CFAP96: variants seen among roughly 807,000 people sequenced by gnomAD.
CFAP96 encodes the protein cilia-and flagella-associated protein 96.
chr4:185,436,447 C>T, the CFAP96 span: 1 of 982,700 alleles, frequency 1.0e-6, no homozygotes, highest in East Asian at 2.8e-5. Context: ...CACGGTGGCT[C>T]ACATCTGTAA....
chr4:185,440,417 A>G, the CFAP96 span: 1 of 625,720 alleles, frequency 1.6e-6, no homozygotes. Context: ...ATGTTTTAAA[A>G]AAGTACACCC....
the CFAP96 span, among the ~76,000 whole-genome samples, chr4:185,438,528 A>G: frequency 2.8e-4 from 42 of 152,186 alleles, no homozygotes; most frequent in Middle Eastern, 3.4e-3. Context: ...TAACATCTAT[A>G]TTAGTTCTTG....
chr4:185,430,393 A>G, the CFAP96 span, among the ~76,000 whole-genome samples: 2 of 152,364 alleles, frequency 1.3e-5, no homozygotes, highest in African/African-American at 4.8e-5. Context: ...TGTGCTCAGC[A>G]TGAACAATGT....
the CFAP96 span, chr4:185,445,428 T>C: frequency 9.6e-7 from 1 of 1,043,004 alleles, no homozygotes; most frequent in South Asian, 1.4e-5. Flanking sequence ...GAGTTAGATA[T>C]GCATAGTTCA....
the CFAP96 span, among the ~76,000 whole-genome samples, chr4:185,410,860 C>T: frequency 6.7e-6 from 1 of 148,642 alleles, no homozygotes; most frequent in East Asian, 2.0e-4. Context: ...GGAGGATAAT[C>T]GCTGGAACCC....
the CFAP96 span, chr4:185,445,139 A>G: frequency 1.3e-6 from 2 of 1,548,066 alleles, no homozygotes; most frequent in Non-Finnish European, 1.7e-6. Context: ...AGGTGGGAAT[A>G]TCTTACACTT....
chr4:185,436,108 C>G, the CFAP96 span: 8 of 1,551,052 alleles, frequency 5.2e-6, no homozygotes, highest in Non-Finnish European at 7.0e-6. Context: ...AGCGCACAGT[C>G]AAAACCTCGA....
the CFAP96 span, among the ~76,000 whole-genome samples, chr4:185,444,342 A>G: frequency 6.6e-6 from 1 of 152,240 alleles, no homozygotes; most frequent in Admixed American, 6.5e-5. Flanking sequence ...TTATGATTCT[A>G]TAGAATTTTC....
the CFAP96 span, chr4:185,445,264 T>C: frequency 1.2e-6 from 1 of 814,580 alleles, no homozygotes. Context: ...ACATCTCAGC[T>C]CCTTCCATGT....
chr4:185,430,939 TG>T, the CFAP96 span, among the ~76,000 whole-genome samples: 3 of 151,200 alleles, frequency 2.0e-5, no homozygotes, highest in South Asian at 6.3e-4. Context: ...TGGCCAGGCG[TG>T]GTGGCTCTCG....
the CFAP96 span, among the ~76,000 whole-genome samples, chr4:185,447,397 GAC>G: frequency 6.6e-6 from 1 of 151,888 alleles, no homozygotes; most frequent in East Asian, 1.9e-4. Context: ...AGCCAGGATG[GAC>G]TTGATCTCCT....
At chr4:185,422,936 G>A in the CFAP96 span, among the ~76,000 whole-genome samples, 1 of 152,272 alleles carries the variant, frequency 6.6e-6, no homozygotes, top group South Asian at 2.1e-4. Flanking sequence ...TCAGCTCACT[G>A]CAACCTCCGC....
the CFAP96 span, among the ~76,000 whole-genome samples, chr4:185,411,758 A>G: frequency 5.3e-5 from 8 of 152,236 alleles, no homozygotes; most frequent in Non-Finnish European, 7.3e-5. Context: ...TTCATTGTCT[A>G]AACAGCAAAA....
the CFAP96 span, chr4:185,413,890 C>G: frequency 6.4e-7 from 1 of 1,565,458 alleles, no homozygotes; most frequent in Non-Finnish European, 8.6e-7. Context: ...AAATCAGAAT[C>G]AACAGAAAAA....
At chr4:185,425,959 C>CG in the CFAP96 span, 1 of 1,488,534 alleles carries the variant, frequency 6.7e-7, no homozygotes, top group Non-Finnish European at 9.2e-7. Flanking sequence ...GGCCCAGGGG[C>CG]GGGGCCCGGG....
At chr4:185,425,302 G>A in the CFAP96 span, among the ~76,000 whole-genome samples, 11 of 152,244 alleles carry the variant, frequency 7.2e-5, no homozygotes, top group South Asian at 1.4e-3. Flanking sequence ...TTTGGAACTT[G>A]CTGAGCTTGA....
chr4:185,421,509 C>G, the CFAP96 span, among the ~76,000 whole-genome samples: 1 of 152,096 alleles, frequency 6.6e-6, no homozygotes, highest in African/African-American at 2.4e-5. Context: ...TTTAAAAGAG[C>G]CTGGCACCTC....
chr4:185,445,847 T>C, the CFAP96 span, among the ~76,000 whole-genome samples: 1 of 152,164 alleles, frequency 6.6e-6, no homozygotes, highest in African/African-American at 2.4e-5. Context: ...TGTATTTCTT[T>C]TTTATTTTTT....
At chr4:185,442,749 T>C in the CFAP96 span, among the ~76,000 whole-genome samples, 3 of 152,162 alleles carry the variant, frequency 2.0e-5, no homozygotes, top group African/African-American at 7.2e-5. Context: ...ATCAGGAACG[T>C]ATGCTGAATT....
Sources: allele counts gnomAD v4.1 joint callset (sites outside exome capture counted in the v4.1 genomes callset), GRCh38; gene constraint gnomAD v4.1.1; transcripts MANE v1.5; gene names NCBI Gene and HGNC (gene_info 2026-07-23, HGNC 2026-07-21).